The following PAWR variants were observed in gnomAD, a reference collection of about 807,000 sequenced individuals.
The protein encoded by PAWR is PRKC apoptosis WT1 regulator protein.
A neutral mutation model predicts 32.0 loss-of-function variants in PAWR; 23 were observed. The observed-to-expected ratio is 0.72, with a 90% confidence interval of 0.52 to 1.02. PAWR has a LOEUF of 1.02. Ranked by LOEUF, PAWR falls within the 50% of genes least tolerant of loss-of-function variation. The pLI is 0.00. For missense variants in PAWR, 457 were observed against 437.7 expected (o/e 1.04, Z -0.39); for synonymous variants, 226 against 187.1 (o/e 1.21, Z -1.70).
chr12:79,689,667 A>G, intron 2 of PAWR, 62 bp downstream of exon 2: 1 of 1,509,278 alleles, frequency 6.6e-7, no homozygotes, highest in Non-Finnish European at 8.8e-7. Context: ...TCCCAGGAGG[A>G]AGACACCGGG....
chr12:79,641,448 A>T (rs1368574762), intron 2 of PAWR, among the ~76,000 whole-genome samples: 1 of 152,224 alleles, frequency 6.6e-6, no homozygotes, highest in African/African-American at 2.4e-5. Context: ...TAACTATGAG[A>T]CCACATTTAC....
Position 79,690,396 on chromosome 12 carries a change from G to A in PAWR, c.-147-5C>T, listed in dbSNP as rs1878954639. On this transcript the variant is annotated splice_polypyrimidine_tract_variant and splice_region_variant and intron_variant, in intron 1 of 6. Transcript: ENST00000328827. ...CTCCCACAGCAGCCGGCGGGGCTGA[G>A]GTGAAAGACAAAAGGGGGCGGGTAA... 1.0e-5 allele frequency: 14 copies of A among 1,336,576 alleles called. No homozygotes were observed. Among genetic ancestry groups the A allele is most frequent in the African/African-American group, 1.5e-5 (1 of 64,870 alleles). 82.8% of individuals were successfully genotyped at this position (1,336,576 alleles called of 1,614,324 possible). A position where few individuals can be genotyped will look rare whatever the true frequency, so the allele number is the denominator to read the frequency against.
chr12:79,690,157 T>G lies in PAWR; in HGVS notation c.88A>C (p.Met30Leu). ...CCCGGGGGGTTCTGCTTGGCGCGCA[T>G]CTTCTCGCGTTTCGCCTTCCACTCC... ...LEEWKAKREK[M>L]RAKQNPPGPA... Residue 30 changes from methionine to leucine, a missense_variant, in exon 2 of 7, where the codon ATG becomes CTG. Physicochemically the swap from Met to Leu is conservative, Grantham distance 15. Coordinates refer to ENST00000328827, the MANE Select transcript of PAWR (RefSeq NM_002583.4). 6.5e-7 allele frequency: 1 copy of G among 1,526,896 alleles called. No individual in the cohort carries two copies. 94.6% of individuals were successfully genotyped at this position (1,526,896 alleles called of 1,614,324 possible).
chr12:79,601,350 C>T (rs1873954751), intron 4 of PAWR, among the ~76,000 whole-genome samples: 1 of 151,334 alleles, frequency 6.6e-6, no homozygotes, highest in African/African-American at 2.4e-5. Context: ...GGAGTAGCTA[C>T]ATGTGCGACC....
chr12:79,644,821 A>C (rs1876493625), intron 2 of PAWR, among the ~76,000 whole-genome samples: 1 of 152,146 alleles, frequency 6.6e-6, no homozygotes, highest in African/African-American at 2.4e-5. Context: ...TTTCCAAACA[A>C]CACATCAAAG....
At chr12:79,637,303 T>C (rs117714007) in intron 2 of PAWR, among the ~76,000 whole-genome samples, 244 of 152,218 alleles carry the variant, frequency 1.6e-3, no homozygotes, top group Middle Eastern at 3.4e-3. Context: ...GAAATTAAAA[T>C]AGATTCCACT....
chr12:79,622,967 A>T (rs1875096880), intron 2 of PAWR, among the ~76,000 whole-genome samples: 1 of 152,176 alleles, frequency 6.6e-6, no homozygotes, highest in South Asian at 2.1e-4. Flanking sequence ...TAACCCAAGA[A>T]GTTTAGACTT....
intron 3 of PAWR, 58 bp downstream of exon 3, chr12:79,621,018 T>G: frequency 1.5e-6 from 2 of 1,304,232 alleles, no homozygotes. Flanking sequence ...TCAAGAGGCA[T>G]AATTGAAAAA....
intron 4 of PAWR, 200 bp from the exon 5 acceptor site, chr12:79,596,858 A>C: frequency 2.0e-6 from 1 of 496,162 alleles, no homozygotes; most frequent in Non-Finnish European, 3.5e-6. Flanking sequence ...CTTTCGACCA[A>C]TATCTACTGA....
intron 4 of PAWR, among the ~76,000 whole-genome samples, chr12:79,602,723 G>C (rs1238215262): frequency 6.6e-6 from 1 of 151,440 alleles, no homozygotes; most frequent in Non-Finnish European, 1.5e-5. Context: ...AATAGCTGTT[G>C]ATTATACAGG....
At chr12:79,672,858 C>T (rs1171754918) in intron 2 of PAWR, among the ~76,000 whole-genome samples, 1 of 152,012 alleles carries the variant, frequency 6.6e-6, no homozygotes, top group Non-Finnish European at 1.5e-5. Flanking sequence ...TATTACTTTC[C>T]CACCACTATC....
At chr12:79,610,038 G>A (rs1874366337) in intron 4 of PAWR, among the ~76,000 whole-genome samples, 3 of 152,154 alleles carry the variant, frequency 2.0e-5, no homozygotes, top group Non-Finnish European at 4.4e-5. Context: ...CCCCTCCCAC[G>A]AGGGGTAGAA....
intron 2 of PAWR, among the ~76,000 whole-genome samples, chr12:79,637,682 T>C (rs576566982): frequency 3.3e-5 from 5 of 152,078 alleles, no homozygotes; most frequent in East Asian, 1.9e-4. Flanking sequence ...ATAATGAACA[T>C]AGATTAATAT....
chr12:79,649,136 G>T (rs962171911), intron 2 of PAWR, among the ~76,000 whole-genome samples: 1 of 152,234 alleles, frequency 6.6e-6, no homozygotes, highest in African/African-American at 2.4e-5. Context: ...GTTACATAGG[G>T]CAAAGGGCAG....
intron 3 of PAWR, 54 bp downstream of exon 3, chr12:79,621,022 T>C: frequency 7.2e-7 from 1 of 1,384,124 alleles, no homozygotes; most frequent in Non-Finnish European, 9.9e-7. Flanking sequence ...GAGGCATAAT[T>C]GAAAAATTGC....
At chr12:79,639,498 T>C (rs1876176455) in intron 2 of PAWR, among the ~76,000 whole-genome samples, 1 of 152,188 alleles carries the variant, frequency 6.6e-6, no homozygotes, top group Admixed American at 6.5e-5. Context: ...TGGTTTAGTG[T>C]CTGTAAAGTT....
In PAWR at chr12:79,594,406, G is replaced by C; in HGVS notation, c.859C>G (p.Leu287Val). The change falls in exon 6 of 7, where the codon CTA (leucine) becomes GTA (valine). Residue 287 changes from leucine to valine, a missense_variant. Coordinates refer to ENST00000328827, the MANE Select transcript of PAWR (RefSeq NM_002583.4). Reference protein sequence around the residue: ...KEVVRERQENLRLVRLMQDKE... With the variant: ...KEVVRERQENVRLVRLMQDKE... Reference sequence around the variant, plus strand: ...TCTTGCATCAGTCTCACAAGTCTTAGGTTTTCTTGTCTTTCTCTTACTACT... The same window carrying C: ...TCTTGCATCAGTCTCACAAGTCTTACGTTTTCTTGTCTTTCTCTTACTACT... 1 of 1,555,094 alleles carries C rather than the reference G, an allele frequency of 6.4e-7. No individual in the cohort carries two copies. The highest frequency in any genetic ancestry group is 8.8e-7 in the Non-Finnish European group (1 of 1,137,448).
intron 2 of PAWR, among the ~76,000 whole-genome samples, chr12:79,682,804 C>T (rs1878505932): frequency 6.6e-6 from 1 of 152,116 alleles, no homozygotes; most frequent in Non-Finnish European, 1.5e-5. Flanking sequence ...CAGCAGTTAA[C>T]CAAATATGTT....
intron 4 of PAWR, among the ~76,000 whole-genome samples, chr12:79,602,060 C>T (rs997679260): frequency 6.6e-6 from 1 of 152,142 alleles, no homozygotes; most frequent in African/African-American, 2.4e-5. Context: ...AACTAGATAA[C>T]TCATAAATCC....
Sources: allele counts gnomAD v4.1 joint callset (sites outside exome capture counted in the v4.1 genomes callset), GRCh38; gene constraint gnomAD v4.1.1; transcripts MANE v1.5; gene names NCBI Gene and HGNC (gene_info 2026-07-23, HGNC 2026-07-21).